The following PLCB4 variants were observed in gnomAD, a reference collection of about 807,000 sequenced individuals.
PLCB4 encodes the protein 1-phosphatidylinositol 4,5-bisphosphate phosphodiesterase beta-4.
Under a neutral mutation model 178.8 loss-of-function variants are expected in PLCB4, and 77 were observed. That is an observed-to-expected ratio of 0.43 (90% CI 0.36 to 0.52). The LOEUF (loss-of-function observed/expected upper bound fraction) is 0.52, where lower values mean the gene tolerates loss of function less well. Among genes scored for constraint, PLCB4 ranks in the 20% least tolerant of loss-of-function variants. The probability of loss-of-function intolerance (pLI) is 0.00; values close to 1 mark genes in which losing one functional copy is unlikely to be tolerated. For synonymous variants in PLCB4, 496 were observed against 490.8 expected (o/e 1.01, Z -0.14); for missense variants, 1,024 against 1,453.4 (o/e 0.70, Z 4.80).
intron 3 of PLCB4, among the ~76,000 whole-genome samples, chr20:9,228,540 G>A (rs911776433): frequency 6.6e-6 from 1 of 152,134 alleles, no homozygotes; most frequent in Non-Finnish European, 1.5e-5. Context: ...CTGGGGGTTA[G>A]GGGGTGGATA....
At chr20:9,335,391 C>G (rs2032311733) in intron 4 of PLCB4, among the ~76,000 whole-genome samples, 1 of 152,096 alleles carries the variant, frequency 6.6e-6, no homozygotes. Context: ...AATGTGAGGT[C>G]AATAGCTGCT....
intron 2 of PLCB4, among the ~76,000 whole-genome samples, chr20:9,207,966 G>T (rs570998928): frequency 1.3e-5 from 2 of 152,096 alleles, no homozygotes; most frequent in African/African-American, 4.8e-5. Context: ...GGTATATAGG[G>T]TATTTTAACG....
At chr20:9,362,636 A>G (rs1602111058) in intron 7 of PLCB4, among the ~76,000 whole-genome samples, 1 of 152,248 alleles carries the variant, frequency 6.6e-6, no homozygotes, top group East Asian at 1.9e-4. Context: ...CAAGTCAGTC[A>G]GTGGGCAACA....
rs192026125 is a variant in PLCB4, at chr20:9,374,161, A to G, written c.744+1057A>G. 2.6e-5 allele frequency among the ~76,000 whole-genome samples: 4 copies of G among 152,360 alleles called. No individual in the cohort carries two copies. In the East Asian group the frequency reaches 7.7e-4, roughly 29 times the overall value. On this transcript the variant is annotated intron_variant, in intron 12 of 39. Coordinates refer to ENST00000378473, the MANE Select transcript of PLCB4 (RefSeq NM_001377142.1). ...GTGGCTTCAAATTTATAAAGGTCGC[A>G]CTTTAGAAACTATGTTAACTAAAGT...
At chr20:9,431,608 G>A (rs2041403962) in intron 28 of PLCB4, among the ~76,000 whole-genome samples, 1 of 151,776 alleles carries the variant, frequency 6.6e-6, no homozygotes, top group Non-Finnish European at 1.5e-5. Context: ...TGGGATTACA[G>A]GTGTGCACCA....
chr20:9,359,746 A>G (rs975276855), intron 7 of PLCB4, among the ~76,000 whole-genome samples: 5 of 152,166 alleles, frequency 3.3e-5, no homozygotes, highest in Admixed American at 2.0e-4. Context: ...GATGATTACC[A>G]CACGAGCTTA....
Position 9,405,349 on chromosome 20 carries a change from G to T in PLCB4, c.1647+1G>T. The T allele has an allele frequency of 6.6e-7, 1 of 1,519,596 alleles. No homozygotes were observed. Among genetic ancestry groups the T allele is most frequent in the Non-Finnish European group, 9.0e-7 (1 of 1,114,044 alleles). 94.1% of individuals were successfully genotyped at this position (1,519,596 alleles called of 1,614,324 possible). A position where few individuals can be genotyped will look rare whatever the true frequency, so the allele number is the denominator to read the frequency against. On this transcript the variant is annotated splice_donor_variant, in intron 21 of 39. Coordinates refer to ENST00000378473, the MANE Select transcript of PLCB4 (RefSeq NM_001377142.1). LOFTEE classifies it high-confidence loss of function. ...CCTTGAACATGAAAACAACAAAAAG[G>T]TAACAAAATAATTCCCTTGCACATT...
At chr20:9,079,355 G>A (rs1166101904) in intron 1 of PLCB4, among the ~76,000 whole-genome samples, 1 of 152,118 alleles carries the variant, frequency 6.6e-6, no homozygotes, top group Non-Finnish European at 1.5e-5. Context: ...AGACCCAGCA[G>A]TGACGGGGAG....
chr20:9,137,480 C>T (rs1357547106), intron 2 of PLCB4, among the ~76,000 whole-genome samples: 1 of 152,054 alleles, frequency 6.6e-6, no homozygotes, highest in Non-Finnish European at 1.5e-5. Context: ...ATCTGTTTTT[C>T]TCCTGCTCTG....
chr20:9,103,620 C>T (rs1273927795), intron 2 of PLCB4, among the ~76,000 whole-genome samples: 1 of 152,030 alleles, frequency 6.6e-6, no homozygotes, highest in African/African-American at 2.4e-5. Flanking sequence ...TAATTTTGAC[C>T]TTTCAGAACC....
intron 19 of PLCB4, among the ~76,000 whole-genome samples, chr20:9,398,185 G>A (rs1338443606): frequency 2.6e-5 from 4 of 152,158 alleles, no homozygotes; most frequent in African/African-American, 9.7e-5. Flanking sequence ...GCCTGGAACT[G>A]GTGCAGTATC....
At chr20:9,220,606 C>G (rs1037341720) in intron 3 of PLCB4, among the ~76,000 whole-genome samples, 5 of 152,234 alleles carry the variant, frequency 3.3e-5, no homozygotes, top group African/African-American at 9.6e-5. Flanking sequence ...CACTGTACCC[C>G]AGCCTGGGTG....
At chr20:9,455,399 A>G (rs570575036) in intron 33 of PLCB4, among the ~76,000 whole-genome samples, 1 of 152,214 alleles carries the variant, frequency 6.6e-6, no homozygotes, top group Admixed American at 6.5e-5. Flanking sequence ...TTCTGATTCA[A>G]TCAATCATGA....
chr20:9,341,363 A>G (rs2033173431), intron 7 of PLCB4, among the ~76,000 whole-genome samples: 1 of 152,160 alleles, frequency 6.6e-6, no homozygotes, highest in Admixed American at 6.5e-5. Flanking sequence ...TAACTGAAAG[A>G]CTTATGATAA....
At position 9,479,129 on chromosome 20, in the gene PLCB4, A is replaced by G. The variant is rs868708224; in HGVS notation, c.*120A>G. ...TAAACAAGATGATATCTGAAACCAG[A>G]GAGACTTGGAATGTCTGACTGACTT... On this transcript the variant is annotated 3_prime_UTR_variant, in exon 40 of 40. Transcript: ENST00000378473. 3 of 723,484 alleles carry G rather than the reference A, an allele frequency of 4.1e-6. No individual in the cohort carries two copies. Among genetic ancestry groups the G allele is most frequent in the African/African-American group, 3.5e-5 (2 of 56,738 alleles). The allele number at this position is 723,484 out of a possible 1,614,324, so 44.8% of individuals were successfully genotyped here. A position where few individuals can be genotyped will look rare whatever the true frequency, so the allele number is the denominator to read the frequency against.
intron 1 of PLCB4, among the ~76,000 whole-genome samples, chr20:9,091,684 G>GCCTA (rs1466391510): frequency 2.0e-5 from 3 of 150,798 alleles, no homozygotes; most frequent in African/African-American, 7.3e-5. Flanking sequence ...GATGCAAAGT[G>GCCTA]CCTAACACCT....
chr20:9,164,065 C>A (rs1416458599), intron 2 of PLCB4, among the ~76,000 whole-genome samples: 2 of 152,116 alleles, frequency 1.3e-5, no homozygotes, highest in East Asian at 3.9e-4. Context: ...TTACTTTTAA[C>A]TTTATTCCTT....
intron 30 of PLCB4, among the ~76,000 whole-genome samples, chr20:9,441,910 C>T (rs2042129327): frequency 6.7e-6 from 1 of 148,778 alleles, no homozygotes. Flanking sequence ...ACCAACACGA[C>T]TTTTTTTTTT....
At chr20:9,281,038 G>GC (rs551046733) in intron 3 of PLCB4, among the ~76,000 whole-genome samples, 35 of 151,628 alleles carry the variant, frequency 2.3e-4, no homozygotes, top group Non-Finnish European at 4.1e-4. Context: ...ATTAAATCAT[G>GC]CTTCAAACTT....
Sources: allele counts gnomAD v4.1 joint callset (sites outside exome capture counted in the v4.1 genomes callset), GRCh38; gene constraint gnomAD v4.1.1; transcripts MANE v1.5; gene names NCBI Gene and HGNC (gene_info 2026-07-23, HGNC 2026-07-21).